Variants in FHIT observed in about 807,000 individuals in gnomAD.
FHIT encodes bis(5'-adenosyl)-triphosphatase.
Under a neutral mutation model 17.9 loss-of-function variants are expected in FHIT, and 19 were observed. The observed-to-expected ratio is 1.06, with a 90% confidence interval of 0.74 to 1.56. The LOEUF (loss-of-function observed/expected upper bound fraction) is 1.56, where lower values mean the gene tolerates loss of function less well. Among genes scored for constraint, FHIT ranks in the 40% most tolerant of loss-of-function variants. The probability of loss-of-function intolerance (pLI) is 0.00; values close to 1 mark genes in which losing one functional copy is unlikely to be tolerated. For missense variants in FHIT, 248 were observed against 189.2 expected (o/e 1.31, Z -1.82); for synonymous variants, 81 against 69.7 (o/e 1.16, Z -0.81).
intron 5 of FHIT, among the ~76,000 whole-genome samples, chr3:60,423,181 C>G (rs1360785342): frequency 6.6e-6 from 1 of 152,054 alleles, no homozygotes; most frequent in African/African-American, 2.4e-5. Context: ...AGTAGAGAGA[C>G]AGAATTCAGG....
At chr3:60,176,045 A>G (rs754822548) in intron 5 of FHIT, among the ~76,000 whole-genome samples, 2 of 152,214 alleles carry the variant, frequency 1.3e-5, no homozygotes, top group South Asian at 2.1e-4. Context: ...AATTAAACTC[A>G]AAGTTAAATT....
At chr3:60,773,934 T>C (rs77592049) in intron 4 of FHIT, among the ~76,000 whole-genome samples, 8 of 152,242 alleles carry the variant, frequency 5.3e-5, no homozygotes, top group Non-Finnish European at 1.2e-4. Context: ...TCTCAACTCA[T>C]TTCTTCTATA....
chr3:60,647,048 T>C (rs1245141520), intron 4 of FHIT, among the ~76,000 whole-genome samples: 1 of 152,206 alleles, frequency 6.6e-6, no homozygotes, highest in African/African-American at 2.4e-5. Context: ...ATACAGATTT[T>C]TCCTAACAGC....
chr3:60,740,020 C>T (rs1190393909), intron 4 of FHIT, among the ~76,000 whole-genome samples: 1 of 152,152 alleles, frequency 6.6e-6, no homozygotes, highest in Non-Finnish European at 1.5e-5. Context: ...ATAGAATATC[C>T]TTCTATCTGA....
chr3:60,998,910 G>T (rs879671654), intron 3 of FHIT, among the ~76,000 whole-genome samples: 22 of 148,692 alleles, frequency 1.5e-4, no homozygotes, highest in Non-Finnish European at 2.4e-4. Flanking sequence ...ACAAGCAGAG[G>T]GCAGATGAGT....
chr3:60,517,213 T>C (rs1006461689), intron 5 of FHIT, among the ~76,000 whole-genome samples: 6 of 152,236 alleles, frequency 3.9e-5, no homozygotes, highest in African/African-American at 1.4e-4. Flanking sequence ...CAAATTTTTA[T>C]CTATTTCATT....
chr3:60,318,878 A>G (rs76122369), intron 5 of FHIT, among the ~76,000 whole-genome samples: 7,132 of 152,270 alleles, frequency 0.047, 570 homozygotes, highest in African/African-American at 0.16. Context: ...GAGATTCGGA[A>G]GGAAGAATGG....
In FHIT at chr3:60,869,229, TG is replaced by T. The variant is rs546566961; in HGVS notation, c.-110-47219del. On this transcript the variant is annotated intron_variant, in intron 3 of 9. Coordinates refer to ENST00000492590, the MANE Select transcript of FHIT (RefSeq NM_002012.4). ...TCTAATTTTTGAGGACAATTATTCA[TG>T]TGTTATTGGCTTGAAGTACAGAATG... 3.3e-5 allele frequency among the ~76,000 whole-genome samples: 5 copies of T among 152,314 alleles called. No individual in the cohort carries two copies. In the East Asian group the frequency reaches 5.8e-4, roughly 18 times the overall value.
chr3:60,642,508 G>A (rs1363751923), intron 4 of FHIT, among the ~76,000 whole-genome samples: 2 of 152,120 alleles, frequency 1.3e-5, no homozygotes, highest in South Asian at 2.1e-4. Context: ...GGGGGAAACG[G>A]TAAGGAGCTA....
At chr3:60,643,083 A>C (rs1288961462) in intron 4 of FHIT, among the ~76,000 whole-genome samples, 1 of 152,156 alleles carries the variant, frequency 6.6e-6, no homozygotes, top group Non-Finnish European at 1.5e-5. Flanking sequence ...GTACCATTGC[A>C]TTTCCAGGGC....
At chr3:60,953,639 T>C (rs1460637748) in intron 3 of FHIT, among the ~76,000 whole-genome samples, 4 of 152,088 alleles carry the variant, frequency 2.6e-5, no homozygotes, top group African/African-American at 9.7e-5. Flanking sequence ...AATGCCAACA[T>C]CCCTTCCCAT....
At chr3:60,190,559 G>C (rs945025000) in intron 5 of FHIT, among the ~76,000 whole-genome samples, 8 of 151,828 alleles carry the variant, frequency 5.3e-5, no homozygotes, top group African/African-American at 1.9e-4. Context: ...GACCAGCCTG[G>C]CCAACATGGT....
At chr3:59,778,342 C>T (rs1192974649) in intron 8 of FHIT, among the ~76,000 whole-genome samples, 1 of 152,158 alleles carries the variant, frequency 6.6e-6, no homozygotes, top group Non-Finnish European at 1.5e-5. Context: ...CTAAAATCTT[C>T]CATTTGTTGA....
chr3:61,160,475 C>G (rs1343045562), intron 2 of FHIT, among the ~76,000 whole-genome samples: 1 of 152,192 alleles, frequency 6.6e-6, no homozygotes, highest in Non-Finnish European at 1.5e-5. Context: ...ATCACTGTTA[C>G]TTGACAGTTC....
chr3:59,958,385 T>C (rs988452154), intron 7 of FHIT, among the ~76,000 whole-genome samples: 2 of 152,216 alleles, frequency 1.3e-5, no homozygotes, highest in African/African-American at 4.8e-5. Context: ...AAGTTGATTA[T>C]TGCACAATGA....
rs1700139023 is a variant in FHIT at position 59,804,960 on chromosome 3, T to C, written c.349-52639A>G. 2.0e-5 allele frequency among the ~76,000 whole-genome samples: 3 copies of C among 152,254 alleles called. No individual in the cohort carries two copies. The South Asian group carries it at 6.2e-4, about 32-fold the overall frequency. The stretch of plus-strand genomic sequence containing the variant: ...GACAGGTACCTGTACTTACTTGGTA[T>C]TGGAGTGCTCTAATCTTAGAGTCTA... On this transcript the variant is annotated intron_variant, in intron 8 of 9. Coordinates refer to ENST00000492590, the MANE Select transcript of FHIT (RefSeq NM_002012.4).
intron 2 of FHIT, among the ~76,000 whole-genome samples, chr3:61,048,911 T>C (rs1417453414): frequency 2.6e-5 from 4 of 151,740 alleles, no homozygotes; most frequent in Admixed American, 2.0e-4. Context: ...CACTCATAGG[T>C]AGGAATTGAA....
intron 4 of FHIT, among the ~76,000 whole-genome samples, chr3:60,634,047 G>C (rs782404452): frequency 3.9e-5 from 6 of 152,214 alleles, no homozygotes; most frequent in Non-Finnish European, 8.8e-5. Flanking sequence ...ACTGGACTTT[G>C]AGTAACATGA....
intron 3 of FHIT, among the ~76,000 whole-genome samples, chr3:60,861,598 A>G (rs1553752644): frequency 6.6e-6 from 1 of 151,992 alleles, no homozygotes; most frequent in African/African-American, 2.4e-5. Flanking sequence ...TATCATCATC[A>G]TCATAGGATA....
Sources: gnomAD v4.1 joint callset for allele counts (sites outside exome capture counted in the v4.1 genomes callset) on GRCh38, gnomAD v4.1.1 for gene constraint, MANE v1.5 for transcripts, NCBI Gene and HGNC (gene_info 2026-07-23, HGNC 2026-07-21) for gene names.